SCUBE2: variants seen among roughly 807,000 people sequenced by gnomAD.
The protein encoded by SCUBE2 is signal peptide, CUB domain and EGF like domain containing 2.
SCUBE2 carries 114 observed loss-of-function variants against 125.9 expected under a neutral mutation model. The observed-to-expected ratio is 0.91, with a 90% CI of 0.78 to 1.06. The LOEUF (loss-of-function observed/expected upper bound fraction) is 1.06, where lower values mean the gene tolerates loss of function less well. Among genes scored for constraint, SCUBE2 ranks in the 50% least tolerant of loss-of-function variants. The probability of loss-of-function intolerance (pLI) is 0.00; values close to 1 mark genes in which losing one functional copy is unlikely to be tolerated. For missense variants in SCUBE2, 1,255 were observed against 1,301.8 expected (o/e 0.96, Z 0.55); for synonymous variants, 459 against 492.9 (o/e 0.93, Z 0.91).
intron 13 of SCUBE2, among the ~76,000 whole-genome samples, chr11:9,051,225 T>TCTATCTATCTATCTACCTACCTAC (rs755617422): frequency 6.0e-5 from 8 of 132,326 alleles, no homozygotes; most frequent in South Asian, 2.4e-4. Context: ...TATCTATCTA[T>TCTATCTATCTATCTACCTACCTAC]CTACCTACCT....
intron 16 of SCUBE2, among the ~76,000 whole-genome samples, chr11:9,046,473 T>A (rs1209103020): frequency 1.3e-5 from 2 of 152,166 alleles, no homozygotes; most frequent in African/African-American, 4.8e-5. Context: ...TCTTGACTTT[T>A]TAACTGGCCA....
At position 9,076,811 on chromosome 11, in the gene SCUBE2, T is replaced by G. The variant is rs1861244841; in HGVS notation, c.383-2196A>C. ...GACTAAACTGATGGGACTCAAGCCA[T>G]CCCCTGAAGCCTAACAAACTTGCCC... is the stretch of plus-strand genomic sequence containing the variant. On this transcript the variant is annotated intron_variant, in intron 3 of 22. Transcript: ENST00000649792. Among the ~76,000 whole-genome samples the G allele has an allele frequency of 3.3e-5, 5 of 152,142 alleles. No individual in the cohort carries two copies. The South Asian group carries it at 1.0e-3, about 32-fold the overall frequency.
chr11:9,028,387 C>T (rs959323157), intron 19 of SCUBE2, among the ~76,000 whole-genome samples: 3 of 152,128 alleles, frequency 2.0e-5, no homozygotes, highest in Admixed American at 6.5e-5. Context: ...TCAGTAGGTA[C>T]AGGGCATGCT....
intron 9 of SCUBE2, among the ~76,000 whole-genome samples, chr11:9,056,351 T>A (rs574242371): frequency 2.6e-5 from 4 of 152,350 alleles, no homozygotes; most frequent in African/African-American, 7.2e-5. Flanking sequence ...AACACTTGGT[T>A]TGGAGGTAAA....
intron 2 of SCUBE2, among the ~76,000 whole-genome samples, chr11:9,088,580 A>G (rs1487568120): frequency 6.6e-6 from 1 of 152,200 alleles, no homozygotes; most frequent in Non-Finnish European, 1.5e-5. Flanking sequence ...TTTCTTACTC[A>G]TTGTGTAGCT....
intron 4 of SCUBE2, 27 bp from the exon 5 acceptor site, chr11:9,069,522 G>T (rs1211329414): frequency 1.9e-6 from 3 of 1,613,508 alleles, no homozygotes; most frequent in South Asian, 1.1e-5. Context: ...TGCGACAGGT[G>T]ACTAGGCTGT....
chr11:9,077,120 G>A (rs191543500), intron 3 of SCUBE2, among the ~76,000 whole-genome samples: 9 of 152,164 alleles, frequency 5.9e-5, no homozygotes, highest in Admixed American at 6.5e-5. Flanking sequence ...GTGTGTCCAC[G>A]TACGCAAATA....
At chr11:9,041,963 GA>G (rs1313143449) in intron 16 of SCUBE2, among the ~76,000 whole-genome samples, 1 of 152,172 alleles carries the variant, frequency 6.6e-6, no homozygotes, top group African/African-American at 2.4e-5. Context: ...GTGCAAGATA[GA>G]GGGGGGCCTT....
intron 16 of SCUBE2, among the ~76,000 whole-genome samples, chr11:9,038,870 TTTTTC>T (rs145817950): frequency 0.023 from 3,464 of 151,268 alleles, 78 homozygotes; most frequent in African/African-American, 0.065. Context: ...CTGATTTATG[TTTTTC>T]TTTTCTTTTC....
chr11:9,052,705 A>T (rs1261735577), intron 13 of SCUBE2, 41 bp downstream of exon 13: 2 of 1,426,150 alleles, frequency 1.4e-6, no homozygotes, highest in Admixed American at 2.0e-5. Flanking sequence ...CCCCTTGAAC[A>T]CAGTGAGCCC....
chr11:9,063,982 G>A (rs1474927770), intron 7 of SCUBE2, among the ~76,000 whole-genome samples: 1 of 152,144 alleles, frequency 6.6e-6, no homozygotes, highest in Non-Finnish European at 1.5e-5. Flanking sequence ...CAGGTGAATC[G>A]TATTTAGATA....
chr11:9,053,749 C>T lies in SCUBE2; in HGVS notation c.1218G>A (p.Glu406=), dbSNP rs769310652. The T allele has an allele frequency of 3.0e-5, 48 of 1,613,500 alleles. No homozygotes were observed. In the South Asian group the frequency reaches 4.7e-4, roughly 16 times the overall value. ...GACAGCCTCCGTTGTTGATGCTGCA[C>T]TCATTGGTGTCTGTGGAACAAAATA... ...YGFTHCGDTN[E]CSINNGGCQQ... Residue 406 remains glutamate, a synonymous_variant, in exon 11 of 23, where the codon GAG becomes GAA. Transcript: ENST00000649792.
chr11:9,033,824 G>A (rs757905358), intron 16 of SCUBE2, 28 bp from the exon 17 acceptor site: 47 of 1,611,334 alleles, frequency 2.9e-5, no homozygotes, highest in Non-Finnish European at 3.9e-5. Context: ...AACCTGGTCA[G>A]TGTGGACACA....
rs939886414 is a variant in SCUBE2, at chr11:9,020,717, A to C, written c.*328T>G. 1 of 187,702 alleles carries C rather than the reference A, an allele frequency of 5.3e-6. No individual in the cohort carries two copies. The highest frequency in any genetic ancestry group is 1.3e-4 in the East Asian group (1 of 7,520). 11.6% of individuals were successfully genotyped at this position (187,702 alleles called of 1,614,324 possible). Reference sequence around the variant, plus strand: ...CCTTTCCACTACAGACTCCTTGAGGAGGAGTAAGACCCCAGAAGGACAGGT... The same window carrying C: ...CCTTTCCACTACAGACTCCTTGAGGCGGAGTAAGACCCCAGAAGGACAGGT... On this transcript the variant is annotated 3_prime_UTR_variant, in exon 23 of 23. Transcript: ENST00000649792.
chr11:9,059,395 C>T lies in SCUBE2; in HGVS notation c.998G>A (p.Gly333Asp). 6.2e-7 allele frequency: 1 copy of T among 1,614,208 alleles called. No individual in the cohort carries two copies. Among genetic ancestry groups the T allele is most frequent in the Non-Finnish European group, 8.5e-7 (1 of 1,180,030 alleles). Residue 333 changes from glycine to aspartate, a missense_variant, in exon 9 of 23, where the codon GGT becomes GAT. Gly to Asp is a moderately conservative substitution (Grantham distance 94, BLOSUM62 -1). Transcript: ENST00000649792. ...GATGTTTTTGCAGAAATGATCACAA[C>T]CTCCATTGCGGGTCTGGCACTCATC... is the stretch of plus-strand genomic sequence containing the variant. ...DIDECQTRNG[G>D]CDHFCKNIVG... is the part of the protein sequence containing the mutation.
At chr11:9,030,971 C>T in intron 17 of SCUBE2, 46 bp from the exon 18 acceptor site, 1 of 1,565,564 alleles carries the variant, frequency 6.4e-7, no homozygotes, top group South Asian at 1.2e-5. Context: ...CCAGGCAGAC[C>T]CTTGCTCCCC....
At chr11:9,021,331 T>A in intron 22 of SCUBE2, 134 bp from the exon 23 acceptor site, 1 of 600,084 alleles carries the variant, frequency 1.7e-6, no homozygotes, top group Non-Finnish European at 2.6e-6. Flanking sequence ...TTGTTTCCTC[T>A]GATTTTTATC....
At chr11:9,032,241 C>G (rs1856371782) in intron 17 of SCUBE2, among the ~76,000 whole-genome samples, 1 of 152,042 alleles carries the variant, frequency 6.6e-6, no homozygotes, top group South Asian at 2.1e-4. Context: ...CCTCAGCCAC[C>G]TAAGTAGCTG....
chr11:9,072,141 C>A (rs1198641223), intron 4 of SCUBE2, among the ~76,000 whole-genome samples: 1 of 152,200 alleles, frequency 6.6e-6, no homozygotes, highest in Non-Finnish European at 1.5e-5. Context: ...ATACTAGCTT[C>A]CTGTGTTACC....
Sources: gnomAD v4.1 joint callset for allele counts (sites outside exome capture counted in the v4.1 genomes callset) on GRCh38, gnomAD v4.1.1 for gene constraint, MANE v1.5 for transcripts, NCBI Gene and HGNC (gene_info 2026-07-23, HGNC 2026-07-21) for gene names.